The following SLC13A3 variants were observed in gnomAD, a reference collection of about 807,000 sequenced individuals.
SLC13A3 encodes solute carrier family 13 member 3, also known as Na(+)/dicarboxylate cotransporter 3.
SLC13A3 carries 40 observed loss-of-function variants against 59.0 expected under a neutral mutation model. The observed-to-expected ratio is 0.68, with a 90% CI of 0.53 to 0.88. The LOEUF (loss-of-function observed/expected upper bound fraction) is 0.88. Among genes scored for constraint, SLC13A3 ranks in the 40% least tolerant of loss-of-function variants. SLC13A3 has a pLI of 0.00. For missense variants in SLC13A3, 699 were observed against 783.2 expected (o/e 0.89, Z 1.28); for synonymous variants, 317 against 330.3 (o/e 0.96, Z 0.44).
intron 1 of SLC13A3, among the ~76,000 whole-genome samples, chr20:46,645,283 T>C (rs539182591): frequency 9.2e-5 from 14 of 152,348 alleles, no homozygotes; most frequent in Admixed American, 5.9e-4. Flanking sequence ...TCAAGATCCT[T>C]TACCTAATCA....
At chr20:46,561,569 T>C (rs2061930842) in intron 12 of SLC13A3, among the ~76,000 whole-genome samples, 1 of 152,204 alleles carries the variant, frequency 6.6e-6, no homozygotes, top group African/African-American at 2.4e-5. Flanking sequence ...TTAGGTTTAC[T>C]GGCCATGGCA....
At chr20:46,651,222 G>T in intron 1 of SLC13A3, 89 bp downstream of exon 1, 1 of 1,391,812 alleles carries the variant, frequency 7.2e-7, no homozygotes. Flanking sequence ...GTCTACACTG[G>T]GACCTCAGCG....
intron 10 of SLC13A3, among the ~76,000 whole-genome samples, chr20:46,567,890 C>T (rs1198897153): frequency 1.3e-5 from 2 of 152,172 alleles, no homozygotes; most frequent in South Asian, 2.1e-4. Flanking sequence ...ATAAAGCCAC[C>T]GTTTGCTTAG....
At chr20:46,652,170 T>A (rs938823483), upstream of SLC13A3, among the ~76,000 whole-genome samples, 1 of 152,162 alleles carries the variant, frequency 6.6e-6, no homozygotes, top group Non-Finnish European at 1.5e-5. Flanking sequence ...CGAAATAATC[T>A]GTGCAACAAA....
intron 1 of SLC13A3, among the ~76,000 whole-genome samples, chr20:46,619,542 AC>A (rs1342736241): frequency 6.6e-5 from 10 of 151,854 alleles, no homozygotes; most frequent in African/African-American, 2.4e-4. Flanking sequence ...CTGCTCAAAC[AC>A]CTCCTCTGGC....
chr20:46,560,340 G>C (rs1029162351), intron 12 of SLC13A3, 142 bp from the exon 13 acceptor site: 3 of 709,748 alleles, frequency 4.2e-6, no homozygotes, highest in African/African-American at 1.8e-5. Context: ...ACCCAGGTCG[G>C]TAAATGCCTG....
At chr20:46,570,462 T>G (rs892512504) in intron 10 of SLC13A3, among the ~76,000 whole-genome samples, 3 of 152,214 alleles carry the variant, frequency 2.0e-5, no homozygotes, top group African/African-American at 7.2e-5. Flanking sequence ...GTTCACATCA[T>G]AACTTAGCCC....
At chr20:46,643,211 T>C (rs1259854781) in intron 1 of SLC13A3, among the ~76,000 whole-genome samples, 2 of 151,080 alleles carry the variant, frequency 1.3e-5, no homozygotes, top group East Asian at 3.9e-4. Context: ...GGGAAGGGGG[T>C]TAATATAGAT....
At chr20:46,632,913 A>AGACAGATAGC (rs1369865976) in intron 1 of SLC13A3, among the ~76,000 whole-genome samples, 67 of 56,848 alleles carry the variant, frequency 1.2e-3, no homozygotes, top group Middle Eastern at 7.8e-3. Context: ...AGATAGATAT[A>AGACAGATAGC]TCTATCTATC....
intron 1 of SLC13A3, among the ~76,000 whole-genome samples, chr20:46,637,761 C>T (rs747450204): frequency 2.6e-5 from 4 of 152,126 alleles, no homozygotes; most frequent in Non-Finnish European, 5.9e-5. Context: ...CACAGAGAGG[C>T]TAAGTAACTT....
chr20:46,645,528 T>C (rs1304474951), intron 1 of SLC13A3, among the ~76,000 whole-genome samples: 1 of 152,216 alleles, frequency 6.6e-6, no homozygotes, highest in Non-Finnish European at 1.5e-5. Context: ...GCTTCCAGGC[T>C]ATGGGTCCAG....
upstream of SLC13A3, among the ~76,000 whole-genome samples, chr20:46,672,921 A>G (rs1215447444): frequency 1.3e-5 from 2 of 152,100 alleles, no homozygotes; most frequent in Non-Finnish European, 2.9e-5. Flanking sequence ...GCATTCCTCG[A>G]TGCCACGGAG....
chr20:46,596,339 T>G lies in SLC13A3; in HGVS notation c.612A>C (p.Lys204Asn). 6.2e-7 allele frequency: 1 copy of G among 1,613,842 alleles called. No homozygotes were observed. The highest frequency in any genetic ancestry group is 8.5e-7 in the Non-Finnish European group (1 of 1,179,828). The change falls in exon 5 of 13, where the codon AAA becomes AAC. Residue 204 changes from lysine to asparagine, a missense_variant. Lys to Asn is a moderately conservative substitution (Grantham distance 94). Transcript: ENST00000279027. ...EMQFLASTEA[K>N]DHPGETEVPL... The stretch of plus-strand genomic sequence containing the variant: ...GAACCTCTGTCTCCCCAGGGTGGTC[T>G]TTGCTTTAAACAAATCCAAAGAGAA...
At chr20:46,580,474 TTATA>T (rs998852540) in intron 9 of SLC13A3, among the ~76,000 whole-genome samples, 12 of 148,234 alleles carry the variant, frequency 8.1e-5, no homozygotes, top group Admixed American at 1.4e-4. Context: ...ATAAAATAGA[TTATA>T]TATTTATAAA....
chr20:46,613,140 G>A (rs777242900), intron 2 of SLC13A3, among the ~76,000 whole-genome samples: 5 of 151,754 alleles, frequency 3.3e-5, no homozygotes, highest in Admixed American at 6.6e-5. Flanking sequence ...AACTGTCAGT[G>A]TGGCCCCCTC....
intron 1 of SLC13A3, among the ~76,000 whole-genome samples, chr20:46,620,844 G>A (rs1405564366): frequency 2.0e-5 from 3 of 152,042 alleles, no homozygotes; most frequent in African/African-American, 7.2e-5. Context: ...CCACTGCACC[G>A]AGATCAGCTG....
intron 1 of SLC13A3, among the ~76,000 whole-genome samples, chr20:46,639,657 TGA>T: frequency 6.6e-6 from 1 of 152,300 alleles, no homozygotes; most frequent in South Asian, 2.1e-4. Context: ...AAGCCTGTCT[TGA>T]TGTCCCACCT....
rs1371979334 is a variant in SLC13A3, at chr20:46,585,824, A to G, written c.1122-2155T>C. ...AAGAGCTTCATGGCTTCATGAAATT[A>G]TATTGTTTCTTGCTTATAACAACCT... On this transcript the variant is annotated intron_variant, in intron 8 of 12. Coordinates refer to ENST00000279027, the MANE Select transcript of SLC13A3 (RefSeq NM_022829.6). The G allele has an allele frequency of 7.2e-6, 9 of 1,251,402 alleles. No individual in the cohort carries two copies. In the East Asian group the frequency reaches 4.5e-4, roughly 63 times the overall value. The allele number at this position is 1,251,402 out of a possible 1,614,324, so 77.5% of individuals were successfully genotyped here.
At chr20:46,571,556 T>C (rs896411520) in intron 10 of SLC13A3, among the ~76,000 whole-genome samples, 2 of 152,138 alleles carry the variant, frequency 1.3e-5, no homozygotes, top group Non-Finnish European at 2.9e-5. Context: ...ATAGCAACAA[T>C]GATGTGTTAA....
Sources: gnomAD v4.1 joint callset for allele counts (sites outside exome capture counted in the v4.1 genomes callset) on GRCh38, gnomAD v4.1.1 for gene constraint, MANE v1.5 for transcripts, NCBI Gene and HGNC (gene_info 2026-07-23, HGNC 2026-07-21) for gene names.